The following DCAF5 variants were observed in gnomAD, a reference collection of about 807,000 sequenced individuals.
DCAF5 encodes DDB1 and CUL4 associated factor 5, also known as DDB1- and CUL4-associated factor 5.
DCAF5 carries 9 observed loss-of-function variants against 80.7 expected under a neutral mutation model. That is an observed-to-expected ratio of 0.11 (90% CI 0.07 to 0.19). DCAF5 has a LOEUF of 0.19. Ranked by LOEUF, DCAF5 falls within the 10% of genes least tolerant of loss-of-function variation. DCAF5 has a pLI of 1.00. For synonymous variants in DCAF5, 433 were observed against 461.9 expected (o/e 0.94, Z 0.80); for missense variants, 842 against 1,205.7 (o/e 0.70, Z 4.47).
intron 8 of DCAF5, among the ~76,000 whole-genome samples, chr14:69,059,376 G>A (rs992132033): frequency 1.3e-5 from 2 of 152,236 alleles, no homozygotes; most frequent in East Asian, 1.9e-4. Context: ...AGAGAGAAAA[G>A]CAGGTCTCAG....
rs183926803 is a variant in DCAF5 at position 69,083,882 on chromosome 14, T to C, written c.879+7792A>G. 4,340 of 768,816 alleles carry C rather than the reference T, an allele frequency of 5.6e-3. 79 individuals carry two copies. The highest frequency in any genetic ancestry group is 3.0e-3 in the Non-Finnish European group (1,242 of 413,314). 47.6% of individuals were successfully genotyped at this position (768,816 alleles called of 1,614,324 possible). On this transcript the variant is annotated intron_variant, in intron 6 of 8. Transcript: ENST00000341516. ...GACAGTGAGATGCCCAGCCTGCCCC[T>C]GGGACTGACAGGAGCTTTTGAGGAT...
intron 6 of DCAF5, among the ~76,000 whole-genome samples, chr14:69,078,633 C>T (rs1166854284): frequency 6.6e-6 from 1 of 152,208 alleles, no homozygotes; most frequent in Non-Finnish European, 1.5e-5. Flanking sequence ...GAGGACATCA[C>T]ATCATGCTAA....
At chr14:69,128,584 C>T (rs909032172) in intron 1 of DCAF5, among the ~76,000 whole-genome samples, 2 of 152,138 alleles carry the variant, frequency 1.3e-5, no homozygotes, top group East Asian at 3.8e-4. Flanking sequence ...CTCACTAAGA[C>T]CTACAGCACA....
intron 1 of DCAF5, among the ~76,000 whole-genome samples, chr14:69,138,090 T>C (rs1595059979): frequency 6.6e-6 from 1 of 151,510 alleles, no homozygotes; most frequent in Non-Finnish European, 1.5e-5. Flanking sequence ...ATAAATGAGG[T>C]ATCTGTGCTA....
In DCAF5 at chr14:69,054,957, G is replaced by T. The variant is rs72718273; in HGVS notation, c.1729C>A (p.Arg577Ser). The part of the protein sequence containing the change: ...SSEDEEELNE[R>S]RASTWQRNAM... ...TTCCGCTGCCAGGTAGAGGCTCGGC[G>T]TTCATTCAGCTCCTCCTCATCCTCA... Residue 577 changes from arginine (R) to serine (S), a missense_variant, in exon 9 of 9, where the codon CGC becomes AGC. Physicochemically the swap from Arg to Ser is moderately radical, Grantham distance 110. Around this residue, in one of 5 missense-constraint regions of DCAF5, gnomAD observed 607 missense variants for 656.6 expected, o/e 0.92. Coordinates refer to ENST00000341516, the MANE Select transcript of DCAF5 (RefSeq NM_003861.3). 1 of 1,614,232 alleles carries T rather than the reference G, an allele frequency of 6.2e-7. No individual in the cohort carries two copies. The highest frequency in any genetic ancestry group is 2.2e-5 in the East Asian group (1 of 44,884).
chr14:69,148,380 G>T (rs185434747), intron 1 of DCAF5, among the ~76,000 whole-genome samples: 4 of 152,156 alleles, frequency 2.6e-5, no homozygotes, highest in Non-Finnish European at 5.9e-5. Flanking sequence ...CAATCATCAA[G>T]TATAAGCTAG....
chr14:69,131,247 T>TTTTC (rs1233332994), intron 1 of DCAF5, among the ~76,000 whole-genome samples: 5 of 152,072 alleles, frequency 3.3e-5, no homozygotes, highest in Non-Finnish European at 5.9e-5. Context: ...TGCTAAAGTG[T>TTTTC]TTTCTTTTCT....
At chr14:69,094,002 G>A (rs989642217) in intron 5 of DCAF5, among the ~76,000 whole-genome samples, 8 of 152,170 alleles carry the variant, frequency 5.3e-5, no homozygotes, top group South Asian at 4.1e-4. Context: ...CTGTGGCTGC[G>A]ACAGGCATGT....
chr14:69,059,315 C>T (rs1021082917), intron 8 of DCAF5, among the ~76,000 whole-genome samples: 2 of 152,124 alleles, frequency 1.3e-5, no homozygotes, highest in Non-Finnish European at 2.9e-5. Context: ...GACTCTTCTC[C>T]TAGCCAGGAA....
intron 1 of DCAF5, among the ~76,000 whole-genome samples, chr14:69,146,966 T>G (rs1292639664): frequency 2.0e-5 from 3 of 152,246 alleles, no homozygotes; most frequent in Non-Finnish European, 4.4e-5. Context: ...AAATTCATTC[T>G]AATTAAATGA....
At chr14:69,103,400 G>C (rs376485422) in intron 5 of DCAF5, among the ~76,000 whole-genome samples, 35 of 152,278 alleles carry the variant, frequency 2.3e-4, no homozygotes, top group African/African-American at 8.4e-4. Context: ...TTTAAAAGGA[G>C]AACATTATTA....
At chr14:69,105,746 G>A (rs2040115336) in intron 5 of DCAF5, among the ~76,000 whole-genome samples, 1 of 150,958 alleles carries the variant, frequency 6.6e-6, no homozygotes, top group Non-Finnish European at 1.5e-5. Flanking sequence ...CCTCCTGGGG[G>A]CTCTTGGGCC....
chr14:69,102,254 A>ATG (rs1202164910), intron 5 of DCAF5, among the ~76,000 whole-genome samples: 4 of 151,626 alleles, frequency 2.6e-5, no homozygotes, highest in Non-Finnish European at 4.4e-5. Context: ...GATTACAGGC[A>ATG]CACGTCACCA....
At position 69,118,774 on chromosome 14, in the gene DCAF5, C is replaced by T. The variant is rs2040615713; in HGVS notation, c.395+420G>A. 1.3e-5 allele frequency among the ~76,000 whole-genome samples: 2 copies of T among 152,124 alleles called. No homozygotes were observed. The highest frequency in any genetic ancestry group is 6.5e-5 in the Admixed American group (1 of 15,276). ...CTGTTATCTAACATGTCTGTGACTC[C>T]GTTTCCTGATCTAGAACGGAGATGA... On this transcript the variant is annotated intron_variant, in intron 3 of 8. Transcript: ENST00000341516. The surrounding 1 kb of genome is among the most constrained non-coding windows in gnomAD (Gnocchi z 4.0).
intron 5 of DCAF5, among the ~76,000 whole-genome samples, chr14:69,095,094 T>A (rs552774297): frequency 1.3e-5 from 2 of 152,262 alleles, no homozygotes; most frequent in Admixed American, 6.5e-5. Flanking sequence ...CAGATCAGAG[T>A]TATACTCCTG....
chr14:69,098,025 C>A (rs1413661504), intron 5 of DCAF5, among the ~76,000 whole-genome samples: 3 of 152,136 alleles, frequency 2.0e-5, no homozygotes, highest in Non-Finnish European at 4.4e-5. Flanking sequence ...TTGCTGAAAA[C>A]CCTCCAGCGG....
intron 7 of DCAF5, 140 bp from the exon 8 acceptor site, chr14:69,062,651 T>G (rs1405914917): frequency 1.4e-5 from 12 of 886,964 alleles, no homozygotes; most frequent in Non-Finnish European, 1.8e-5. Flanking sequence ...ATCTTACAGA[T>G]AAGTTGCTAT....
chr14:69,143,455 C>A (rs1389924346), intron 1 of DCAF5, among the ~76,000 whole-genome samples: 1 of 150,076 alleles, frequency 6.7e-6, no homozygotes, highest in African/African-American at 2.5e-5. Flanking sequence ...ACAAAACATT[C>A]TTTTAAGTGT....
At chr14:69,120,341 C>T (rs2040680448) in intron 2 of DCAF5, among the ~76,000 whole-genome samples, 2 of 152,102 alleles carry the variant, frequency 1.3e-5, no homozygotes, top group African/African-American at 4.8e-5. Flanking sequence ...CTCAAGCAAT[C>T]CTCCTGCCTT....
Sources: gnomAD v4.1 joint callset for allele counts (sites outside exome capture counted in the v4.1 genomes callset) on GRCh38, gnomAD v4.1.1 for gene constraint, gnomAD v4.1.1 regional missense constraint, Gnocchi (gnomAD v3.1) non-coding constraint, MANE v1.5 for transcripts, NCBI Gene and HGNC (gene_info 2026-07-23, HGNC 2026-07-21) for gene names.